PRELID2: variants seen among roughly 807,000 people sequenced by gnomAD.
PRELID2 encodes the protein PRELI domain-containing protein 2.
PRELID2 carries 25 observed loss-of-function variants against 28.4 expected under a neutral mutation model. The observed-to-expected ratio is 0.88, with a 90% CI of 0.64 to 1.23. The LOEUF (loss-of-function observed/expected upper bound fraction) is 1.23. Among genes scored for constraint, PRELID2 ranks in the 50% most tolerant of loss-of-function variants. The probability of loss-of-function intolerance (pLI) is 0.00; values close to 1 mark genes in which losing one functional copy is unlikely to be tolerated. For synonymous variants in PRELID2, 76 were observed against 71.6 expected (o/e 1.06, Z -0.31); for missense variants, 201 against 214.4 (o/e 0.94, Z 0.39).
At chr5:145,278,138 T>C in the PRELID2 span, among the ~76,000 whole-genome samples, 370 of 152,270 alleles carry the variant, frequency 2.4e-3, 1 homozygote, top group African/African-American at 8.7e-3. Flanking sequence ...ATCTTGGTTT[T>C]TGAATCCTCA....
At chr5:145,508,669 T>C (rs1752434275) in intron 1 of PRELID2, among the ~76,000 whole-genome samples, 1 of 152,326 alleles carries the variant, frequency 6.6e-6, no homozygotes, top group African/African-American at 2.4e-5. Flanking sequence ...CTCATGGTCC[T>C]GACTCACTTG....
the PRELID2 span, among the ~76,000 whole-genome samples, chr5:145,399,967 G>A: frequency 7.9e-5 from 12 of 151,992 alleles, no homozygotes; most frequent in Admixed American, 2.6e-4. Context: ...CGGTACCTCC[G>A]ATAACACATA....
At chr5:145,680,662 G>A (rs574201120) in intron 1 of PRELID2, among the ~76,000 whole-genome samples, 1 of 152,312 alleles carries the variant, frequency 6.6e-6, no homozygotes, top group East Asian at 1.9e-4. Flanking sequence ...TGCCAAGAGG[G>A]TAATTAATTG....
At chr5:145,801,447 C>T (rs1753136047) in intron 4 of PRELID2, among the ~76,000 whole-genome samples, 1 of 152,140 alleles carries the variant, frequency 6.6e-6, no homozygotes, top group Non-Finnish European at 1.5e-5. Context: ...TTTTCCTTCA[C>T]CTGTCTTTCA....
chr5:145,365,777 G>C, the PRELID2 span, among the ~76,000 whole-genome samples: 2 of 151,896 alleles, frequency 1.3e-5, no homozygotes, highest in African/African-American at 2.4e-5. Flanking sequence ...CAAGACTGTA[G>C]GACAAGATGA....
At chr5:145,739,609 T>C (rs537840758) in intron 1 of PRELID2, among the ~76,000 whole-genome samples, 1 of 147,632 alleles carries the variant, frequency 6.8e-6, no homozygotes, top group East Asian at 2.0e-4. Context: ...TTCTAAATTA[T>C]GTTTAATAAT....
intron 1 of PRELID2, among the ~76,000 whole-genome samples, chr5:145,639,495 T>C (rs541603057): frequency 1.1e-4 from 16 of 152,282 alleles, no homozygotes; most frequent in Middle Eastern, 3.4e-3. Context: ...AGCTAAAACA[T>C]CTAGCATTGA....
the PRELID2 span, among the ~76,000 whole-genome samples, chr5:145,360,754 C>T: frequency 6.6e-6 from 1 of 152,052 alleles, no homozygotes; most frequent in East Asian, 1.9e-4. Flanking sequence ...ATAATAATTC[C>T]AATCCTTTGA....
At chr5:145,378,888 T>C in the PRELID2 span, among the ~76,000 whole-genome samples, 1 of 152,222 alleles carries the variant, frequency 6.6e-6, no homozygotes, top group African/African-American at 2.4e-5. Flanking sequence ...TCAGGGTTCC[T>C]TTGCTGATTC....
intron 1 of PRELID2, among the ~76,000 whole-genome samples, chr5:145,648,800 AAT>A (rs1296014736): frequency 6.7e-6 from 1 of 149,450 alleles, no homozygotes; most frequent in Non-Finnish European, 1.5e-5. Context: ...TACATATATA[AAT>A]ATATATAACA....
At chr5:145,287,240 T>G in the PRELID2 span, among the ~76,000 whole-genome samples, 2 of 152,120 alleles carry the variant, frequency 1.3e-5, no homozygotes, top group Non-Finnish European at 1.5e-5. Flanking sequence ...ATAGCTATGA[T>G]AAAGTTTAAT....
At chr5:145,400,038 C>T in the PRELID2 span, among the ~76,000 whole-genome samples, 3 of 152,172 alleles carry the variant, frequency 2.0e-5, no homozygotes, top group Non-Finnish European at 2.9e-5. Flanking sequence ...CACACCCTCA[C>T]ACTGTCCTTC....
the PRELID2 span, among the ~76,000 whole-genome samples, chr5:145,294,657 T>C: frequency 1.9e-4 from 29 of 152,192 alleles, no homozygotes; most frequent in African/African-American, 6.8e-4. Context: ...ATTAAAATTA[T>C]TTTGTGATTA....
intron 1 of PRELID2, among the ~76,000 whole-genome samples, chr5:145,707,096 G>T (rs952618696): frequency 6.6e-6 from 1 of 152,214 alleles, no homozygotes; most frequent in East Asian, 1.9e-4. Flanking sequence ...ATCTGTGGGT[G>T]AGGCACTGTG....
chr5:145,624,014 A>G (rs976305695), intron 1 of PRELID2, among the ~76,000 whole-genome samples: 1 of 152,202 alleles, frequency 6.6e-6, no homozygotes, highest in African/African-American at 2.4e-5. Context: ...GCCTCCACCC[A>G]GATTTAATAA....
chr5:145,422,454 T>C, the PRELID2 span, among the ~76,000 whole-genome samples: 9 of 152,234 alleles, frequency 5.9e-5, no homozygotes, highest in Admixed American at 2.0e-4. Flanking sequence ...TAGTTAGCTC[T>C]TCTTGTTGAA....
chr5:145,639,654 G>C (rs552224338), intron 1 of PRELID2, among the ~76,000 whole-genome samples: 46 of 152,264 alleles, frequency 3.0e-4, no homozygotes, highest in African/African-American at 9.9e-4. Context: ...TATTCAATGC[G>C]ATCTGGAAAC....
chr5:145,407,022 A>C, the PRELID2 span, among the ~76,000 whole-genome samples: 1 of 152,182 alleles, frequency 6.6e-6, no homozygotes, highest in Non-Finnish European at 1.5e-5. Context: ...TCACAGGTTG[A>C]AGGAAGCTTC....
chr5:145,823,597 C>A (rs1273410800), intron 1 of PRELID2, among the ~76,000 whole-genome samples: 1 of 152,154 alleles, frequency 6.6e-6, no homozygotes, highest in Non-Finnish European at 1.5e-5. Flanking sequence ...TAGGGTCACC[C>A]AGCTGGCTCC....
Sources: allele counts gnomAD v4.1 joint callset (sites outside exome capture counted in the v4.1 genomes callset), GRCh38; gene constraint gnomAD v4.1.1; transcripts MANE v1.5; gene names NCBI Gene and HGNC (gene_info 2026-07-23, HGNC 2026-07-21).